The following CSMD1 variants were observed in gnomAD, a reference collection of about 807,000 sequenced individuals.
The protein encoded by CSMD1 is CUB and Sushi multiple domains 1.
CSMD1 carries 213 observed loss-of-function variants against 417.5 expected under a neutral mutation model. The observed-to-expected ratio is 0.51, with a 90% CI of 0.46 to 0.57. CSMD1 has a LOEUF of 0.57. Ranked by LOEUF, CSMD1 falls within the 20% of genes least tolerant of loss-of-function variation. The pLI, the probability that CSMD1 is intolerant of heterozygous loss-of-function variation, is 0.00. For synonymous variants in CSMD1, 2,862 were observed against 1,736.8 expected (o/e 1.65, Z -16.11); for missense variants, 6,923 against 4,529.7 (o/e 1.53, Z -15.17).
chr8:4,308,521 C>G (rs184318756), intron 3 of CSMD1, among the ~76,000 whole-genome samples: 12 of 152,282 alleles, frequency 7.9e-5, no homozygotes, highest in Non-Finnish European at 1.2e-4. Flanking sequence ...TTCAGAGACC[C>G]TGCTGTGTTT....
intron 49 of CSMD1, among the ~76,000 whole-genome samples, chr8:3,067,179 G>T (rs1157186485): frequency 1.3e-5 from 2 of 152,108 alleles, no homozygotes; most frequent in African/African-American, 2.4e-5. Flanking sequence ...CCAACAAGGT[G>T]CGTGGCAATG....
chr8:3,200,937 C>G (rs1429495552), intron 32 of CSMD1, among the ~76,000 whole-genome samples: 2 of 152,060 alleles, frequency 1.3e-5, no homozygotes, highest in Non-Finnish European at 2.9e-5. Flanking sequence ...GAAAATGTAT[C>G]AGTACAAATA....
chr8:3,171,887 G>T (rs7846371), intron 37 of CSMD1, among the ~76,000 whole-genome samples: 102,361 of 152,020 alleles, frequency 0.67, 35,979 homozygotes, highest in African/African-American at 0.87. Context: ...TTGTTAAATA[G>T]TTTGCATCCT....
intron 3 of CSMD1, among the ~76,000 whole-genome samples, chr8:4,418,719 C>T (rs944452926): frequency 1.3e-5 from 2 of 152,112 alleles, no homozygotes; most frequent in South Asian, 4.1e-4. Flanking sequence ...ATCAATGATA[C>T]AATCAAAACT....
At chr8:3,123,031 C>T (rs749608672) in intron 41 of CSMD1, among the ~76,000 whole-genome samples, 5 of 152,116 alleles carry the variant, frequency 3.3e-5, no homozygotes, top group Non-Finnish European at 7.4e-5. Flanking sequence ...TCTTAAAGGA[C>T]GTAGCTCAAA....
chr8:4,219,947 A>T lies in CSMD1; in HGVS notation c.416-187848T>A, dbSNP rs571313424. Among the ~76,000 whole-genome samples, 984 of 152,130 alleles carry T rather than the reference A, an allele frequency of 6.5e-3. 9 individuals are homozygous for T. Among genetic ancestry groups the T allele is most frequent in the African/African-American group, 0.022 (929 of 41,502 alleles). On this transcript the variant is annotated intron_variant, in intron 3 of 69. Coordinates refer to ENST00000635120, the MANE Select transcript of CSMD1 (RefSeq NM_033225.6). ...AATCACTCAAGATAATTTTTTAAAA[A>T]TTTTTTAATGCTTTTTTTTTGAAAT...
intron 26 of CSMD1, among the ~76,000 whole-genome samples, chr8:3,250,639 C>T (rs942249959): frequency 2.6e-5 from 4 of 152,328 alleles, no homozygotes; most frequent in African/African-American, 7.2e-5. Context: ...GCCACACTGT[C>T]TTCCACAATC....
At chr8:4,580,837 G>A (rs979032766) in intron 2 of CSMD1, among the ~76,000 whole-genome samples, 11 of 152,046 alleles carry the variant, frequency 7.2e-5, no homozygotes, top group African/African-American at 2.2e-4. Context: ...CATACTGCCC[G>A]CTTCATACTG....
intron 1 of CSMD1, among the ~76,000 whole-genome samples, chr8:4,898,768 CG>C (rs138977811): frequency 2.0e-5 from 3 of 151,928 alleles, no homozygotes; most frequent in Non-Finnish European, 4.4e-5. Context: ...TCGTTGGAAG[CG>C]GGGGGAAGTG....
chr8:3,839,175 A>G (rs1052279328), intron 5 of CSMD1, among the ~76,000 whole-genome samples: 2 of 126,802 alleles, frequency 1.6e-5, no homozygotes, highest in African/African-American at 5.8e-5. Flanking sequence ...CTCTCTATAT[A>G]TTTATATATA....
intron 2 of CSMD1, among the ~76,000 whole-genome samples, chr8:4,449,800 C>G (rs186279500): frequency 2.6e-5 from 4 of 152,072 alleles, no homozygotes; most frequent in East Asian, 3.9e-4. Context: ...TTTTACATAA[C>G]AGAGCCCTGC....
intron 3 of CSMD1, among the ~76,000 whole-genome samples, chr8:4,032,349 C>A (rs1466079168): frequency 1.3e-5 from 2 of 152,090 alleles, no homozygotes; most frequent in East Asian, 1.9e-4. Context: ...AAAATATAGT[C>A]CTGCTTTTAT....
intron 10 of CSMD1, among the ~76,000 whole-genome samples, chr8:3,561,209 A>C (rs115047945): frequency 6.6e-6 from 1 of 152,198 alleles, no homozygotes; most frequent in African/African-American, 2.4e-5. Context: ...GTAAGCCTCT[A>C]TGGAAAACAG....
chr8:4,236,026 G>C (rs1427943096), intron 3 of CSMD1, among the ~76,000 whole-genome samples: 1 of 108,086 alleles, frequency 9.3e-6, no homozygotes, highest in African/African-American at 4.2e-5. Context: ...AATGGATATT[G>C]TTTTTTTTGT....
At chr8:3,490,523 T>C (rs906447853) in intron 11 of CSMD1, among the ~76,000 whole-genome samples, 3 of 152,208 alleles carry the variant, frequency 2.0e-5, no homozygotes, top group South Asian at 2.1e-4. Context: ...TTGGTAATAA[T>C]AATACGTGTG....
chr8:3,164,069 T>G (rs117437519), intron 37 of CSMD1, among the ~76,000 whole-genome samples: 7,577 of 152,200 alleles, frequency 0.05, 301 homozygotes, highest in Non-Finnish European at 0.069. Flanking sequence ...TCCCAAATCC[T>G]TCACCAGCTT....
chr8:3,578,250 C>G (rs569053146), intron 9 of CSMD1, among the ~76,000 whole-genome samples: 1 of 152,220 alleles, frequency 6.6e-6, no homozygotes, highest in African/African-American at 2.4e-5. Flanking sequence ...GAAAATGGGA[C>G]AGGCTGAGAA....
chr8:3,722,186 G>A (rs1802217754), intron 6 of CSMD1, among the ~76,000 whole-genome samples: 1 of 152,142 alleles, frequency 6.6e-6, no homozygotes, highest in Non-Finnish European at 1.5e-5. Context: ...GCTGGCACCT[G>A]CAGGCCCACC....
At chr8:3,216,228 A>G (rs1797872670) in intron 29 of CSMD1, among the ~76,000 whole-genome samples, 1 of 152,056 alleles carries the variant, frequency 6.6e-6, no homozygotes, top group South Asian at 2.1e-4. Context: ...TTGTAACTGC[A>G]TTAAATCCCA....
Sources: gnomAD v4.1 joint callset for allele counts (sites outside exome capture counted in the v4.1 genomes callset) on GRCh38, gnomAD v4.1.1 for gene constraint, MANE v1.5 for transcripts, NCBI Gene and HGNC (gene_info 2026-07-23, HGNC 2026-07-21) for gene names.